Variants in HPSE2 observed in about 807,000 individuals in gnomAD.
The protein encoded by HPSE2 is inactive heparanase-2.
Under a neutral mutation model 60.5 loss-of-function variants are expected in HPSE2, and 38 were observed. The ratio of observed to expected loss-of-function variants is 0.63; its 90% CI spans 0.48 to 0.82. HPSE2 has a LOEUF of 0.82. HPSE2 is among the 40% of genes least tolerant of loss of function. The pLI is 0.00. For synonymous variants in HPSE2, 295 were observed against 293.2 expected (o/e 1.01, Z -0.06); for missense variants, 713 against 740.4 (o/e 0.96, Z 0.43).
intron 9 of HPSE2, among the ~76,000 whole-genome samples, chr10:98,581,026 T>C (rs1342933992): frequency 2.6e-5 from 4 of 151,392 alleles, no homozygotes; most frequent in Non-Finnish European, 5.9e-5. Flanking sequence ...CTGCAACCTC[T>C]GCCTCCTGGG....
chr10:98,732,087 G>C (rs1949242405), intron 4 of HPSE2, among the ~76,000 whole-genome samples: 1 of 152,060 alleles, frequency 6.6e-6, no homozygotes, highest in South Asian at 2.1e-4. Flanking sequence ...AACAAAAGAA[G>C]TACAAAACTT....
intron 4 of HPSE2, among the ~76,000 whole-genome samples, chr10:98,738,914 C>T (rs1250736487): frequency 9.2e-5 from 14 of 152,224 alleles, no homozygotes; most frequent in Middle Eastern, 3.4e-3. Context: ...GACAGTGTGG[C>T]GATTCCTCAA....
intron 3 of HPSE2, among the ~76,000 whole-genome samples, chr10:99,041,823 T>C (rs542303291): frequency 3.9e-4 from 60 of 152,222 alleles, no homozygotes; most frequent in Admixed American, 3.0e-3. Context: ...ACAGGCCCGT[T>C]GTGATTGCCT....
intron 3 of HPSE2, among the ~76,000 whole-genome samples, chr10:99,112,215 T>C (rs1366172987): frequency 6.6e-6 from 1 of 152,140 alleles, no homozygotes; most frequent in Non-Finnish European, 1.5e-5. Context: ...TTTTATAACA[T>C]AAGCCATAGG....
intron 3 of HPSE2, among the ~76,000 whole-genome samples, chr10:98,892,894 C>T (rs1039164542): frequency 6.6e-6 from 1 of 152,098 alleles, no homozygotes; most frequent in Non-Finnish European, 1.5e-5. Flanking sequence ...GTAGAGCTGT[C>T]CTCTGTCCTG....
At chr10:98,642,194 C>A (rs2134037522) in intron 6 of HPSE2, among the ~76,000 whole-genome samples, 1 of 152,236 alleles carries the variant, frequency 6.6e-6, no homozygotes, top group African/African-American at 2.4e-5. Flanking sequence ...CCATTGCTTA[C>A]TTGCTGGAAT....
At chr10:98,977,979 G>A (rs981259827) in intron 3 of HPSE2, among the ~76,000 whole-genome samples, 2 of 151,452 alleles carry the variant, frequency 1.3e-5, no homozygotes, top group African/African-American at 4.8e-5. Flanking sequence ...TTTACAGTAT[G>A]TATGAAATAA....
chr10:98,498,329 G>A (rs1475731842), intron 9 of HPSE2, among the ~76,000 whole-genome samples: 1 of 152,146 alleles, frequency 6.6e-6, no homozygotes, highest in Non-Finnish European at 1.5e-5. Flanking sequence ...GGACTCTGCA[G>A]ACAACCCCCA....
intron 3 of HPSE2, among the ~76,000 whole-genome samples, chr10:98,981,469 T>A (rs527868946): frequency 3.2e-4 from 48 of 152,274 alleles, no homozygotes; most frequent in African/African-American, 1.0e-3. Context: ...CATATCCTCA[T>A]AGGCTTAGTG....
At chr10:98,549,266 T>C (rs1423888327) in intron 9 of HPSE2, among the ~76,000 whole-genome samples, 1 of 152,204 alleles carries the variant, frequency 6.6e-6, no homozygotes, top group Non-Finnish European at 1.5e-5. Flanking sequence ...ATTTACCTTA[T>C]ATAGTTGTTG....
chr10:98,777,806 C>T (rs1950374162), intron 3 of HPSE2, among the ~76,000 whole-genome samples: 1 of 152,154 alleles, frequency 6.6e-6, no homozygotes, highest in Non-Finnish European at 1.5e-5. Context: ...ATGCCCTAAG[C>T]TACAGCCACA....
At chr10:98,476,856 T>G (rs1941044579) in intron 11 of HPSE2, among the ~76,000 whole-genome samples, 1 of 152,112 alleles carries the variant, frequency 6.6e-6, no homozygotes, top group African/African-American at 2.4e-5. Context: ...CTGGTGTGAA[T>G]TAGCCTGAAG....
intron 3 of HPSE2, among the ~76,000 whole-genome samples, chr10:99,014,558 T>G (rs1042260661): frequency 6.6e-6 from 1 of 152,196 alleles, no homozygotes; most frequent in Non-Finnish European, 1.5e-5. Context: ...TTGAACTATT[T>G]ACACCCCCAC....
intron 6 of HPSE2, among the ~76,000 whole-genome samples, chr10:98,656,454 T>C (rs1203212946): frequency 1.3e-5 from 2 of 152,218 alleles, no homozygotes; most frequent in Non-Finnish European, 2.9e-5. Flanking sequence ...GCACTGTCCC[T>C]ATGCATGCCT....
intron 3 of HPSE2, among the ~76,000 whole-genome samples, chr10:99,025,737 A>G (rs1957363872): frequency 6.6e-6 from 1 of 152,122 alleles, no homozygotes; most frequent in African/African-American, 2.4e-5. Context: ...AGAGAGGAGC[A>G]GAAAAGATAA....
chr10:98,613,980 G>T (rs2133972957), intron 9 of HPSE2, among the ~76,000 whole-genome samples: 1 of 152,264 alleles, frequency 6.6e-6, no homozygotes, highest in Non-Finnish European at 1.5e-5. Context: ...CCATATTTCT[G>T]CTTTTGCCAT....
intron 3 of HPSE2, among the ~76,000 whole-genome samples, chr10:99,140,973 C>T (rs1022638541): frequency 1.3e-5 from 2 of 152,106 alleles, no homozygotes; most frequent in African/African-American, 4.8e-5. Context: ...GGAGGCGGAG[C>T]TTGCAGTGAG....
At chr10:98,510,982 T>G (rs1942370851) in intron 9 of HPSE2, among the ~76,000 whole-genome samples, 1 of 152,204 alleles carries the variant, frequency 6.6e-6, no homozygotes, top group Non-Finnish European at 1.5e-5. Flanking sequence ...TTGCTTAGAA[T>G]TGAAACACAT....
intron 3 of HPSE2, among the ~76,000 whole-genome samples, chr10:98,941,339 G>T (rs1445736256): frequency 2.4e-5 from 3 of 123,242 alleles, no homozygotes; most frequent in Non-Finnish European, 5.0e-5. Flanking sequence ...AAACCCCATT[G>T]TCTCAGCCCG....
Sources: allele counts gnomAD v4.1 joint callset (sites outside exome capture counted in the v4.1 genomes callset), GRCh38; gene constraint gnomAD v4.1.1; transcripts MANE v1.5; gene names NCBI Gene and HGNC (gene_info 2026-07-23, HGNC 2026-07-21).